Variants in ITGBL1 observed in about 807,000 individuals in gnomAD.
ITGBL1 encodes integrin beta-like protein 1.
A neutral mutation model predicts 68.5 loss-of-function variants in ITGBL1; 51 were observed. The observed-to-expected ratio is 0.74, with a 90% CI of 0.59 to 0.94. The LOEUF is 0.94. Among genes scored for constraint, ITGBL1 ranks in the 40% least tolerant of loss-of-function variants. The pLI is 0.00. For synonymous variants in ITGBL1, 209 were observed against 227.3 expected (o/e 0.92, Z 0.72); for missense variants, 649 against 647.4 (o/e 1.00, Z -0.03).
chr13:101,701,126 TAAGTA>T (rs1405303082), intron 8 of ITGBL1, among the ~76,000 whole-genome samples: 6 of 152,226 alleles, frequency 3.9e-5, no homozygotes, highest in Admixed American at 3.3e-4. Flanking sequence ...GTTTTGTTCT[TAAGTA>T]AAGTCATATA....
At chr13:101,604,887 T>TACACACATACATACACACAC (rs1555361675) in intron 7 of ITGBL1, among the ~76,000 whole-genome samples, 1 of 22,166 alleles carries the variant, frequency 4.5e-5, no homozygotes, top group African/African-American at 1.5e-4. Flanking sequence ...TATATATATA[T>TACACACATACATACACACAC]ACACACACAC....
rs543568889 is a variant in ITGBL1, at chr13:101,673,125, C to T, written c.1016-19460C>T. On this transcript the variant is annotated intron_variant, in intron 7 of 10. Transcript: ENST00000376180. ...ATTTCATGCTGGGAAAAATTCTTCC[C>T]AAGACATTGAAATAAGATTCCTTAT... 4.6e-5 allele frequency among the ~76,000 whole-genome samples: 7 copies of T among 152,266 alleles called. No homozygotes were observed. The South Asian group carries it at 1.2e-3, about 27-fold the overall frequency.
chr13:101,554,114 G>A (rs1038416039), intron 2 of ITGBL1, among the ~76,000 whole-genome samples: 7 of 152,096 alleles, frequency 4.6e-5, no homozygotes, highest in African/African-American at 1.4e-4. Flanking sequence ...AGTCATATCA[G>A]ATTAAGGGCC....
At chr13:101,706,526 G>A (rs1311608827) in intron 8 of ITGBL1, among the ~76,000 whole-genome samples, 2 of 152,150 alleles carry the variant, frequency 1.3e-5, no homozygotes, top group East Asian at 1.9e-4. Context: ...ATTATTGCAA[G>A]ATTTCTTTCT....
Position 101,580,028 on chromosome 13 carries a change from TTAAC to T in ITGBL1, c.727+607_727+610del, listed in dbSNP as rs1337726546. Among the ~76,000 whole-genome samples, 14 of 152,330 alleles carry T rather than the reference TTAAC, an allele frequency of 9.2e-5. No homozygotes were observed. The East Asian group carries it at 2.7e-3, about 29-fold the overall frequency. ...TTGCTAAACTATAATTTAAAGGTAG[TTAAC>T]TAACTTTTGATGTAAAATCAAACAG... On this transcript the variant is annotated intron_variant, in intron 5 of 10. Coordinates refer to ENST00000376180, the MANE Select transcript of ITGBL1 (RefSeq NM_004791.3).
chr13:101,571,932 T>C (rs1162178810), intron 3 of ITGBL1, among the ~76,000 whole-genome samples: 1 of 152,190 alleles, frequency 6.6e-6, no homozygotes, highest in Non-Finnish European at 1.5e-5. Flanking sequence ...CAGTAGTCAG[T>C]ATTTTGGATT....
chr13:101,475,910 T>G (rs1319625300), intron 2 of ITGBL1, among the ~76,000 whole-genome samples: 1 of 152,126 alleles, frequency 6.6e-6, no homozygotes, highest in Non-Finnish European at 1.5e-5. Flanking sequence ...AAACAAAAGC[T>G]TAGGATTTCA....
intron 2 of ITGBL1, among the ~76,000 whole-genome samples, chr13:101,464,593 C>G (rs1356607785): frequency 6.6e-6 from 1 of 151,452 alleles, no homozygotes; most frequent in Non-Finnish European, 1.5e-5. Context: ...CTTGTATAGC[C>G]AATCAAAATA....
At chr13:101,500,008 TC>T (rs1167704835) in intron 2 of ITGBL1, among the ~76,000 whole-genome samples, 1 of 152,160 alleles carries the variant, frequency 6.6e-6, no homozygotes, top group Non-Finnish European at 1.5e-5. Context: ...TCTGATGCCT[TC>T]CCCCACTGAA....
intron 7 of ITGBL1, among the ~76,000 whole-genome samples, chr13:101,644,305 A>G (rs1441678551): frequency 1.3e-5 from 2 of 152,162 alleles, no homozygotes; most frequent in East Asian, 3.8e-4. Context: ...AAGTAGAGGG[A>G]GATGGTCAGG....
intron 2 of ITGBL1, among the ~76,000 whole-genome samples, chr13:101,558,083 C>CAAAAAAAAAAAAA (rs568103738): frequency 2.6e-4 from 19 of 71,708 alleles, no homozygotes; most frequent in African/African-American, 1.1e-3. Context: ...AACTCCGTCT[C>CAAAAAAAAAAAAA]AAAAAAAAAA....
At chr13:101,513,537 C>G (rs1164208270) in intron 2 of ITGBL1, among the ~76,000 whole-genome samples, 1 of 151,964 alleles carries the variant, frequency 6.6e-6, no homozygotes, top group Non-Finnish European at 1.5e-5. Flanking sequence ...AAAATTTTAT[C>G]CAACGTATTA....
chr13:101,663,971 T>C (rs933697247), intron 7 of ITGBL1, among the ~76,000 whole-genome samples: 1 of 152,196 alleles, frequency 6.6e-6, no homozygotes, highest in Non-Finnish European at 1.5e-5. Context: ...GCAGATTTAT[T>C]GTCATAATAA....
chr13:101,650,742 A>G (rs1017002819), intron 7 of ITGBL1, among the ~76,000 whole-genome samples: 36 of 151,654 alleles, frequency 2.4e-4, no homozygotes, highest in Admixed American at 2.0e-4. Flanking sequence ...TCACCTAGGT[A>G]TTAAGCCAAG....
intron 6 of ITGBL1, among the ~76,000 whole-genome samples, chr13:101,595,125 G>T (rs1174355571): frequency 6.6e-6 from 1 of 152,056 alleles, no homozygotes; most frequent in Admixed American, 6.6e-5. Flanking sequence ...GGTCTATTTT[G>T]ACTCACATTT....
At chr13:101,555,684 T>TG (rs1555358500) in intron 2 of ITGBL1, among the ~76,000 whole-genome samples, 24 of 151,340 alleles carry the variant, frequency 1.6e-4, no homozygotes, top group Non-Finnish European at 2.1e-4. Flanking sequence ...TTTAAGTGTT[T>TG]TGTGTGTGTG....
chr13:101,566,321 A>C (rs778640477), intron 2 of ITGBL1, among the ~76,000 whole-genome samples: 1 of 152,246 alleles, frequency 6.6e-6, no homozygotes, highest in East Asian at 1.9e-4. Context: ...TAAATAGGCT[A>C]GGTGGTTGAC....
intron 3 of ITGBL1, among the ~76,000 whole-genome samples, chr13:101,568,207 T>C (rs2050213024): frequency 6.6e-6 from 1 of 152,170 alleles, no homozygotes; most frequent in African/African-American, 2.4e-5. Flanking sequence ...GTGCTTTGAA[T>C]TTTTACCTTC....
chr13:101,630,146 C>T (rs1382026591), intron 7 of ITGBL1, among the ~76,000 whole-genome samples: 1 of 152,090 alleles, frequency 6.6e-6, no homozygotes, highest in African/African-American at 2.4e-5. Context: ...GTTAAAATTT[C>T]AAAGTAAATT....
Sources: allele counts gnomAD v4.1 joint callset (sites outside exome capture counted in the v4.1 genomes callset), GRCh38; gene constraint gnomAD v4.1.1; transcripts MANE v1.5; gene names NCBI Gene and HGNC (gene_info 2026-07-23, HGNC 2026-07-21).